Variants in FGF14 observed in about 807,000 individuals in gnomAD.
The protein encoded by FGF14 is fibroblast growth factor homologous factor 4.
In FGF14, 5 loss-of-function variants were observed where a neutral mutation model predicts 25.5. The observed-to-expected ratio is 0.20, with a 90% CI of 0.10 to 0.41. FGF14 has a LOEUF of 0.41. Ranked by LOEUF, FGF14 falls within the 10% of genes least tolerant of loss-of-function variation. The pLI is 1.00. For synonymous variants in FGF14, 138 were observed against 118.3 expected, an observed-to-expected ratio of 1.17 and a Z score of -1.08; for missense variants, 222 against 320.1, an observed-to-expected ratio of 0.69 and a Z score of 2.34.
At chr13:102,379,831 A>C (rs1305181789) in intron 1 of FGF14, among the ~76,000 whole-genome samples, 1 of 152,196 alleles carries the variant, frequency 6.6e-6, no homozygotes. Flanking sequence ...CAAAAGGTTT[A>C]TCTTTTAAGA....
intron 1 of FGF14, among the ~76,000 whole-genome samples, chr13:102,030,942 A>G (rs2041178385): frequency 6.6e-6 from 1 of 152,124 alleles, no homozygotes; most frequent in Non-Finnish European, 1.5e-5. Flanking sequence ...TCCATGTTAC[A>G]TAGAAATGCA....
chr13:102,391,368 CAG>C (rs1414434885), intron 1 of FGF14, among the ~76,000 whole-genome samples: 6 of 152,214 alleles, frequency 3.9e-5, no homozygotes, highest in Non-Finnish European at 8.8e-5. Flanking sequence ...ATCCCCCATA[CAG>C]AGTCACATCT....
intron 3 of FGF14, among the ~76,000 whole-genome samples, chr13:101,730,203 C>G (rs1452265308): frequency 6.6e-6 from 1 of 152,148 alleles, no homozygotes; most frequent in Non-Finnish European, 1.5e-5. Context: ...AATCTGTTGT[C>G]AGTGTGGAGG....
Position 101,726,676 on chromosome 13 carries a change from A to G in FGF14, c.543T>C (p.Ala181=), listed in dbSNP as rs199970919. 1.9e-5 allele frequency: 30 copies of G among 1,613,434 alleles called. No homozygotes were observed. Among genetic ancestry groups the G allele is most frequent in the Non-Finnish European group, 1.5e-5 (18 of 1,179,688 alleles). Residue 181 remains alanine, a synonymous_variant, in exon 4 of 5, where the codon GCT becomes GCC. Coordinates refer to ENST00000376143, the MANE Select transcript of FGF14 (RefSeq NM_004115.4). ...TTTTCTTTACTCTGTTCCCTTTCAT[A>G]GCTTGCCCTTCCTTATTTAATCCCA... ...WFLGLNKEGQ[A]MKGNRVKKTK...
At chr13:101,815,157 G>C (rs958221839) in intron 3 of FGF14, among the ~76,000 whole-genome samples, 1 of 152,190 alleles carries the variant, frequency 6.6e-6, no homozygotes, top group African/African-American at 2.4e-5. Flanking sequence ...ATCTGAGCTG[G>C]TGGAAAGAAA....
chr13:101,813,023 C>G (rs1227982330), intron 3 of FGF14, among the ~76,000 whole-genome samples: 1 of 152,068 alleles, frequency 6.6e-6, no homozygotes, highest in African/African-American at 2.4e-5. Context: ...TTGTGCATTT[C>G]AAAATGCTTT....
At chr13:102,102,300 G>A (rs2044700361) in intron 1 of FGF14, among the ~76,000 whole-genome samples, 1 of 152,180 alleles carries the variant, frequency 6.6e-6, no homozygotes, top group Admixed American at 6.5e-5. Context: ...GAGTTTAGAA[G>A]TGGGTTCCTT....
intron 1 of FGF14, among the ~76,000 whole-genome samples, chr13:102,069,453 A>G (rs1174008236): frequency 1.3e-5 from 2 of 152,282 alleles, no homozygotes; most frequent in East Asian, 1.9e-4. Flanking sequence ...CCACACTGTG[A>G]AAGCTTTGTT....
intron 1 of FGF14, among the ~76,000 whole-genome samples, chr13:101,884,159 G>A (rs1280927603): frequency 2.0e-5 from 3 of 150,856 alleles, no homozygotes; most frequent in Admixed American, 2.0e-4. Context: ...ATGATGGCGT[G>A]AATGTGAAAG....
chr13:101,963,130 A>T (rs1313819582), intron 1 of FGF14, among the ~76,000 whole-genome samples: 1 of 152,222 alleles, frequency 6.6e-6, no homozygotes, highest in African/African-American at 2.4e-5. Context: ...ACACTCAGCA[A>T]ATTTTATTTT....
chr13:102,156,084 G>C (rs2047320826), intron 1 of FGF14, among the ~76,000 whole-genome samples: 1 of 152,252 alleles, frequency 6.6e-6, no homozygotes, highest in Non-Finnish European at 1.5e-5. Context: ...AGAGGTACAA[G>C]GAGGAGCTGG....
chr13:102,157,062 G>C (rs1226459549), intron 1 of FGF14, among the ~76,000 whole-genome samples: 22 of 152,088 alleles, frequency 1.4e-4, no homozygotes, highest in Admixed American at 2.0e-4. Flanking sequence ...GAATCAATAT[G>C]ACGAAAATGG....
At chr13:101,864,741 G>A (rs182836664) in intron 3 of FGF14, among the ~76,000 whole-genome samples, 7 of 152,216 alleles carry the variant, frequency 4.6e-5, no homozygotes, top group African/African-American at 7.2e-5. Flanking sequence ...ACTTACGACC[G>A]CGAAGATGCC....
chr13:101,881,315 T>C (rs1421993441), intron 1 of FGF14, among the ~76,000 whole-genome samples: 1 of 152,178 alleles, frequency 6.6e-6, no homozygotes, highest in African/African-American at 2.4e-5. Context: ...AGTTCTAACA[T>C]ATTAGAAACA....
intron 1 of FGF14, chr13:102,394,741 G>A (rs1342931988): frequency 6.6e-6 from 1 of 152,390 alleles, no homozygotes; most frequent in Non-Finnish European, 1.5e-5. Context: ...GGTAAAGCCA[G>A]GAGGAAGCCC....
intron 1 of FGF14, among the ~76,000 whole-genome samples, chr13:102,248,237 C>A (rs1039712157): frequency 6.6e-6 from 1 of 151,998 alleles, no homozygotes; most frequent in African/African-American, 2.4e-5. Flanking sequence ...ACCCTTGAAC[C>A]TAAAATAAAA....
intron 1 of FGF14, among the ~76,000 whole-genome samples, chr13:101,950,007 CT>C (rs531514267): frequency 2.7e-5 from 4 of 150,878 alleles, no homozygotes; most frequent in Non-Finnish European, 3.0e-5. Flanking sequence ...TTTTCTTTTT[CT>C]TTTTTTTTCA....
At position 102,045,015 on chromosome 13, in the gene FGF14, A is replaced by G. The variant is rs528702974; in HGVS notation, c.209-169719T>C. 2.6e-5 allele frequency among the ~76,000 whole-genome samples: 4 copies of G among 152,316 alleles called. No homozygotes were observed. In the South Asian group the frequency reaches 8.3e-4, roughly 32 times the overall value. ...GCAATAGTGGCAAAAACATGTGTCTATAACCTCACTGACGTTCCCCATCCA... is the reference window on the plus strand; with the variant it reads ...GCAATAGTGGCAAAAACATGTGTCTGTAACCTCACTGACGTTCCCCATCCA... On this transcript the variant is annotated intron_variant, in intron 1 of 4. Transcript: ENST00000376131.
At chr13:102,013,880 A>G (rs56185607) in intron 1 of FGF14, among the ~76,000 whole-genome samples, 19,316 of 152,144 alleles carry the variant, frequency 0.13, 3,158 homozygotes, top group African/African-American at 0.38. Context: ...AGAGTCTAAC[A>G]GCTTGCAAGA....
Sources: allele counts gnomAD v4.1 joint callset (sites outside exome capture counted in the v4.1 genomes callset), GRCh38; gene constraint gnomAD v4.1.1; transcripts MANE v1.5; gene names NCBI Gene and HGNC (gene_info 2026-07-23, HGNC 2026-07-21).